HPSE2: variants seen among roughly 807,000 people sequenced by gnomAD.
HPSE2 encodes heparanase 2 (inactive).
HPSE2 carries 38 observed loss-of-function variants against 60.5 expected under a neutral mutation model. The observed-to-expected ratio is 0.63, with a 90% confidence interval of 0.48 to 0.82. The LOEUF is 0.82. Ranked by LOEUF, HPSE2 falls within the 40% of genes least tolerant of loss-of-function variation. HPSE2 has a pLI of 0.00. For synonymous variants in HPSE2, 295 were observed against 293.2 expected (o/e 1.01, Z -0.06); for missense variants, 713 against 740.4 (o/e 0.96, Z 0.43).
At chr10:98,983,720 G>A (rs2135308744) in intron 3 of HPSE2, among the ~76,000 whole-genome samples, 1 of 152,328 alleles carries the variant, frequency 6.6e-6, no homozygotes, top group East Asian at 1.9e-4. Context: ...AAGTGCAAGG[G>A]GTCAGGGAAT....
rs192868263 is a variant in HPSE2 at position 99,220,579 on chromosome 10, C to T, written c.448+11769G>A. Among the ~76,000 whole-genome samples, 345 of 152,046 alleles carry T rather than the reference C, an allele frequency of 2.3e-3. 1 individual carries two copies. Among genetic ancestry groups the T allele is most frequent in the African/African-American group, 5.2e-3 (215 of 41,504 alleles). On this transcript the variant is annotated intron_variant, in intron 2 of 11. Coordinates refer to ENST00000370552, the MANE Select transcript of HPSE2 (RefSeq NM_021828.5). ...CAGCACTTTGGGAAGCCGAGGTGGGCGGATCATGAGCTCAAGAGATCGAGA... is the reference window on the plus strand; with the variant it reads ...CAGCACTTTGGGAAGCCGAGGTGGGTGGATCATGAGCTCAAGAGATCGAGA...
At chr10:99,069,766 T>C (rs756972559) in intron 3 of HPSE2, among the ~76,000 whole-genome samples, 1 of 151,944 alleles carries the variant, frequency 6.6e-6, no homozygotes, top group African/African-American at 2.4e-5. Context: ...TCTCATCTAA[T>C]GCTCACATTG....
At chr10:98,738,415 G>A (rs531709673) in intron 4 of HPSE2, among the ~76,000 whole-genome samples, 1 of 152,198 alleles carries the variant, frequency 6.6e-6, no homozygotes, top group African/African-American at 2.4e-5. Flanking sequence ...CAAAGGCATG[G>A]GCAAAGACTT....
the HPSE2 span, among the ~76,000 whole-genome samples, chr10:99,263,235 A>G: frequency 6.6e-6 from 1 of 152,154 alleles, no homozygotes; most frequent in Non-Finnish European, 1.5e-5. Flanking sequence ...CAGCAAAGGT[A>G]GGCTATGCTA....
At chr10:99,257,450 G>A in the HPSE2 span, among the ~76,000 whole-genome samples, 6 of 152,098 alleles carry the variant, frequency 3.9e-5, no homozygotes, top group Non-Finnish European at 8.8e-5. Context: ...CCGCTTCGGG[G>A]GGCAGCTGTC....
chr10:98,557,905 T>C (rs1944059196), intron 9 of HPSE2, among the ~76,000 whole-genome samples: 1 of 152,276 alleles, frequency 6.6e-6, no homozygotes, highest in South Asian at 2.1e-4. Context: ...GCCGAGATCA[T>C]GCCACTACAT....
In HPSE2 at chr10:98,744,023, T is replaced by C; in HGVS notation, c.644A>G (p.Asp215Gly). 1 of 1,614,078 alleles carries C rather than the reference T, an allele frequency of 6.2e-7. No homozygotes were observed. Among genetic ancestry groups the C allele is most frequent in the South Asian group, 1.1e-5 (1 of 91,076 alleles). Residue 215 changes from aspartate to glycine, a missense_variant, in exon 4 of 12, where the codon GAT becomes GGT. Physicochemically the swap from Asp to Gly is moderately conservative, Grantham distance 94. Coordinates refer to ENST00000370552, the MANE Select transcript of HPSE2 (RefSeq NM_021828.5). Reference protein sequence around the residue: ...RSLDKLYNFADCSGLHLIFAL... With the variant: ...RSLDKLYNFAGCSGLHLIFAL... ...AAATATCAGGTGGAGTCCAGAGCAA[T>C]CAGCAAAGTTATAAAGTTTGTCTAG...
chr10:98,923,765 C>G (rs1954359592), intron 3 of HPSE2, among the ~76,000 whole-genome samples: 1 of 152,002 alleles, frequency 6.6e-6, no homozygotes, highest in African/African-American at 2.4e-5. Flanking sequence ...TTATTTCAAT[C>G]TCTTTGTTAA....
In HPSE2 at chr10:98,547,401, A is replaced by C. The variant is rs60260913; in HGVS notation, c.1321-57205T>G. Reference sequence around the variant, plus strand: ...TTCACAATAGCAAAGACTTGGAACCAACCCAAATGTCCAACAATGATAGAT... The same window carrying C: ...TTCACAATAGCAAAGACTTGGAACCCACCCAAATGTCCAACAATGATAGAT... On this transcript the variant is annotated intron_variant, in intron 9 of 11. Coordinates refer to ENST00000370552, the MANE Select transcript of HPSE2 (RefSeq NM_021828.5). 8.9e-3 allele frequency among the ~76,000 whole-genome samples: 1,342 copies of C among 150,972 alleles called. 12 individuals are homozygous for C. Among genetic ancestry groups the C allele is most frequent in the African/African-American group, 0.031 (1,274 of 41,016 alleles).
the HPSE2 span, among the ~76,000 whole-genome samples, chr10:99,258,683 A>G: frequency 6.6e-6 from 1 of 152,230 alleles, no homozygotes; most frequent in African/African-American, 2.4e-5. Context: ...AGACAAATAG[A>G]TCAGTAGAGC....
chr10:99,268,333 A>G, the HPSE2 span, among the ~76,000 whole-genome samples: 10 of 152,140 alleles, frequency 6.6e-5, no homozygotes, highest in Non-Finnish European at 1.2e-4. Flanking sequence ...AAATAAACCA[A>G]AACAGAACCT....
chr10:98,744,480 T>C (rs1949578260), intron 3 of HPSE2, among the ~76,000 whole-genome samples: 1 of 151,838 alleles, frequency 6.6e-6, no homozygotes, highest in Admixed American at 6.6e-5. Flanking sequence ...TGAGCCGAGA[T>C]TGCACCATTG....
At chr10:99,021,762 C>A (rs1166209241) in intron 3 of HPSE2, among the ~76,000 whole-genome samples, 2 of 150,330 alleles carry the variant, frequency 1.3e-5, no homozygotes, top group Non-Finnish European at 2.9e-5. Context: ...CAGCTGCAGA[C>A]ATCACCTCCT....
At chr10:99,112,959 A>ACG (rs1844530153) in intron 3 of HPSE2, among the ~76,000 whole-genome samples, 1 of 109,120 alleles carries the variant, frequency 9.2e-6, no homozygotes, top group South Asian at 3.4e-4. Flanking sequence ...ATACACACAC[A>ACG]CACATATACA....
intron 3 of HPSE2, among the ~76,000 whole-genome samples, chr10:98,835,557 GT>G (rs1951771990): frequency 5.3e-5 from 8 of 152,048 alleles, no homozygotes; most frequent in Non-Finnish European, 1.5e-5. Flanking sequence ...CTAAGTGCTG[GT>G]TATAAAGGTA....
chr10:98,713,553 C>T (rs2134226648), intron 5 of HPSE2, among the ~76,000 whole-genome samples: 1 of 151,918 alleles, frequency 6.6e-6, no homozygotes, highest in South Asian at 2.1e-4. Flanking sequence ...AAGATGGTCT[C>T]TGAAAGTAAG....
At chr10:98,490,969 T>C (rs1232805796) in intron 9 of HPSE2, among the ~76,000 whole-genome samples, 1 of 152,222 alleles carries the variant, frequency 6.6e-6, no homozygotes, top group Non-Finnish European at 1.5e-5. Context: ...GCATCTGACA[T>C]AAATATAAAA....
chr10:99,078,551 T>C (rs1327098776), intron 3 of HPSE2, among the ~76,000 whole-genome samples: 1 of 152,180 alleles, frequency 6.6e-6, no homozygotes, highest in African/African-American at 2.4e-5. Context: ...TTTTTTACTT[T>C]AAACATGCAT....
intron 3 of HPSE2, among the ~76,000 whole-genome samples, chr10:98,888,135 A>AACAAACAC (rs781251740): frequency 7.1e-6 from 1 of 140,710 alleles, no homozygotes; most frequent in African/African-American, 2.6e-5. Context: ...TTTTAAAACA[A>AACAAACAC]ACACACACAC....
Sources: allele counts gnomAD v4.1 joint callset (sites outside exome capture counted in the v4.1 genomes callset), GRCh38; gene constraint gnomAD v4.1.1; transcripts MANE v1.5; gene names NCBI Gene and HGNC (gene_info 2026-07-23, HGNC 2026-07-21).